The following PHACTR4 variants were observed in gnomAD, a reference collection of about 807,000 sequenced individuals.
PHACTR4 encodes the protein protein phosphatase 1, regulatory subunit 124.
PHACTR4 carries 51 observed loss-of-function variants against 72.7 expected under a neutral mutation model. The ratio of observed to expected loss-of-function variants is 0.70; its 90% CI spans 0.56 to 0.89. PHACTR4 has a LOEUF of 0.89. Among genes scored for constraint, PHACTR4 ranks in the 40% least tolerant of loss-of-function variants. The pLI, the probability that PHACTR4 is intolerant of heterozygous loss-of-function variation, is 0.00. For missense variants in PHACTR4, 731 were observed against 861.8 expected (o/e 0.85, Z 1.90); for synonymous variants, 255 against 302.5 (o/e 0.84, Z 1.63).
intron 1 of PHACTR4, among the ~76,000 whole-genome samples, chr1:28,370,648 T>C (rs1651173076): frequency 6.7e-6 from 1 of 149,110 alleles, no homozygotes; most frequent in Non-Finnish European, 1.5e-5. Context: ...ATTCGGACAC[T>C]CAGCTCCTCG....
chr1:28,500,103 CAA>C lies in PHACTR4; in HGVS notation c.*3555_*3556del, dbSNP rs1163703706. 8 of 152,028 alleles carry C rather than the reference CAA, an allele frequency of 5.3e-5. No homozygotes were observed. Among genetic ancestry groups the C allele is most frequent in the Admixed American group, 2.0e-4 (3 of 15,254 alleles). 9.4% of individuals were successfully genotyped at this position (152,028 alleles called of 1,614,324 possible). On this transcript the variant is annotated 3_prime_UTR_variant, in exon 14 of 14. Coordinates refer to ENST00000373839, the MANE Select transcript of PHACTR4 (RefSeq NM_001048183.3). ...TCATTCATGTTATTTTCAAGTGAAA[CAA>C]GACATTTTGGGGGTCAAGTCTCTTT...
At chr1:28,459,314 T>C (rs2124467937) in intron 3 of PHACTR4, 56 bp downstream of exon 3, 1 of 1,490,606 alleles carries the variant, frequency 6.7e-7, no homozygotes, top group Non-Finnish European at 9.2e-7. Flanking sequence ...ATGTTAGATG[T>C]ATTTAATTTT....
chr1:28,459,000 A>G, intron 2 of PHACTR4, 85 bp from the exon 3 acceptor site: 3 of 1,262,718 alleles, frequency 2.4e-6, no homozygotes, highest in Non-Finnish European at 3.3e-6. Flanking sequence ...TCCAACTACC[A>G]CAGGAAGAGA....
chr1:28,480,241 C>T lies in PHACTR4; in HGVS notation c.1607-210C>T, dbSNP rs372454562. Among the ~76,000 whole-genome samples the T allele has an allele frequency of 1.7e-4, 26 of 152,256 alleles. No homozygotes were observed. In the South Asian group the frequency reaches 5.2e-3, roughly 30 times the overall value. On this transcript the variant is annotated intron_variant, in intron 8 of 13. Coordinates refer to ENST00000373839, the MANE Select transcript of PHACTR4 (RefSeq NM_001048183.3). The stretch of plus-strand genomic sequence containing the variant: ...AGGCCTGATAGAAGAGAAAAGATAC[C>T]TTTTAACCATCTTAGTCCACCTGGC...
At chr1:28,386,883 T>G (rs544557659) in intron 1 of PHACTR4, among the ~76,000 whole-genome samples, 7 of 152,300 alleles carry the variant, frequency 4.6e-5, no homozygotes, top group African/African-American at 1.7e-4. Flanking sequence ...ATATTTCTTG[T>G]TTACCTGAGT....
intron 2 of PHACTR4, among the ~76,000 whole-genome samples, chr1:28,415,203 G>C: frequency 6.6e-6 from 1 of 151,370 alleles, no homozygotes; most frequent in African/African-American, 2.4e-5. Flanking sequence ...GGAGGTTGCA[G>C]TGAGCCAAGA....
Position 28,401,114 on chromosome 1 carries a change from C to T in PHACTR4, c.-38-6296C>T, listed in dbSNP as rs564884495. On this transcript the variant is annotated intron_variant, in intron 1 of 13. Transcript: ENST00000373839. ...GCCTGATTTGTTTCAAAATTGGCCC[C>T]TGGAATTTGTAAGCAAGCACATAAT... 8.5e-5 allele frequency among the ~76,000 whole-genome samples: 13 copies of T among 152,114 alleles called. No individual in the cohort carries two copies. The South Asian group carries it at 2.7e-3, about 32-fold the overall frequency.
chr1:28,396,260 G>A (rs113863319), intron 1 of PHACTR4, among the ~76,000 whole-genome samples: 1,947 of 152,016 alleles, frequency 0.013, 17 homozygotes, highest in Middle Eastern at 0.024. Flanking sequence ...AGCCAGGCAC[G>A]GTGGCTCATG....
intron 1 of PHACTR4, 46 bp from the exon 2 acceptor site, chr1:28,407,364 T>G: frequency 9.8e-7 from 1 of 1,019,958 alleles, no homozygotes; most frequent in Non-Finnish European, 1.5e-6. Flanking sequence ...TAAAAGGTGA[T>G]GGACTATATG....
chr1:28,464,432 A>G (rs999309289), intron 4 of PHACTR4, among the ~76,000 whole-genome samples: 2 of 152,138 alleles, frequency 1.3e-5, no homozygotes, highest in African/African-American at 2.4e-5. Flanking sequence ...ATCCAGTTCA[A>G]AGCAAGGCAT....
At chr1:28,406,405 C>G (rs1337626289) in intron 1 of PHACTR4, among the ~76,000 whole-genome samples, 1 of 151,836 alleles carries the variant, frequency 6.6e-6, no homozygotes, top group Non-Finnish European at 1.5e-5. Context: ...AATTGATGAA[C>G]TAGGTAAAAA....
chr1:28,385,614 ATT>A lies in PHACTR4; in HGVS notation c.-39+15807_-39+15808del, dbSNP rs1225303255. ...CATGTAATTGTATGGTTTTAAGTGA[ATT>A]TTTTTTTTTTTTTTTTTGGAGACGG... On this transcript the variant is annotated intron_variant, in intron 1 of 13. Coordinates refer to ENST00000373839, the MANE Select transcript of PHACTR4 (RefSeq NM_001048183.3). Among the ~76,000 whole-genome samples, 115 of 126,904 alleles carry A rather than the reference ATT, an allele frequency of 9.1e-4. 3 individuals carry two copies. The highest frequency in any genetic ancestry group is 1.6e-3 in the African/African-American group (51 of 32,704). 83.3% of individuals were successfully genotyped at this position (126,904 alleles called of 152,430 possible).
chr1:28,494,914 T>C (rs1661254612), intron 13 of PHACTR4, among the ~76,000 whole-genome samples: 1 of 152,134 alleles, frequency 6.6e-6, no homozygotes, highest in East Asian at 1.9e-4. Flanking sequence ...TATGGAAGGA[T>C]GAAGAGACTA....
chr1:28,453,093 T>C (rs1180302870), intron 2 of PHACTR4, among the ~76,000 whole-genome samples: 1 of 152,148 alleles, frequency 6.6e-6, no homozygotes, highest in Non-Finnish European at 1.5e-5. Context: ...CACTCCAGCC[T>C]GGGCAACAAG....
intron 1 of PHACTR4, among the ~76,000 whole-genome samples, chr1:28,395,915 C>T (rs1383565153): frequency 1.5e-5 from 2 of 137,382 alleles, no homozygotes; most frequent in Non-Finnish European, 1.5e-5. Flanking sequence ...CCCGCCTCGT[C>T]GGCCTCCCAA....
At chr1:28,471,461 G>A (rs74064858) in intron 6 of PHACTR4, among the ~76,000 whole-genome samples, 13,462 of 152,052 alleles carry the variant, frequency 0.089, 1,281 homozygotes, top group African/African-American at 0.24. Context: ...TGAGAATACT[G>A]AGTGGGATGA....
intron 9 of PHACTR4, chr1:28,481,462 G>A (rs1660275448): frequency 2.0e-5 from 3 of 152,104 alleles, no homozygotes; most frequent in Admixed American, 2.0e-4. Context: ...CACCTACTAC[G>A]TGGCATCTAA....
intron 11 of PHACTR4, 143 bp downstream of exon 11, chr1:28,491,155 G>A (rs946498961): frequency 1.3e-6 from 1 of 751,240 alleles, no homozygotes; most frequent in Non-Finnish European, 2.2e-6. Flanking sequence ...GATTGCTTGA[G>A]CCCAGGAGTT....
At chr1:28,396,146 T>C (rs935997864) in intron 1 of PHACTR4, among the ~76,000 whole-genome samples, 2 of 152,098 alleles carry the variant, frequency 1.3e-5, no homozygotes, top group African/African-American at 4.8e-5. Context: ...AAAAATAGTT[T>C]AGAAATAGCA....
Sources: gnomAD v4.1 joint callset for allele counts (sites outside exome capture counted in the v4.1 genomes callset) on GRCh38, gnomAD v4.1.1 for gene constraint, MANE v1.5 for transcripts, NCBI Gene and HGNC (gene_info 2026-07-23, HGNC 2026-07-21) for gene names.